The following SEMA3E variants were observed in gnomAD, a reference collection of about 807,000 sequenced individuals.
SEMA3E encodes the protein semaphorin-3E.
A neutral mutation model predicts 93.6 loss-of-function variants in SEMA3E; 49 were observed. The observed-to-expected ratio is 0.52, with a 90% confidence interval of 0.42 to 0.66. SEMA3E has a LOEUF of 0.66. Among genes scored for constraint, SEMA3E ranks in the 30% least tolerant of loss-of-function variants. The pLI is 0.00. For synonymous variants in SEMA3E, 363 were observed against 330.7 expected (o/e 1.10, Z -1.06); for missense variants, 906 against 964.8 (o/e 0.94, Z 0.81).
intron 10 of SEMA3E, among the ~76,000 whole-genome samples, chr7:83,402,095 C>T (rs1788243803): frequency 6.6e-6 from 1 of 151,844 alleles, no homozygotes; most frequent in African/African-American, 2.4e-5. Flanking sequence ...TCCTAAGGGG[C>T]CAGCAAGGAT....
At chr7:83,387,831 T>C (rs1407758255) in intron 14 of SEMA3E, among the ~76,000 whole-genome samples, 3 of 142,260 alleles carry the variant, frequency 2.1e-5, no homozygotes, top group East Asian at 4.1e-4. Flanking sequence ...TGTTTATATA[T>C]ATATAACGTT....
intron 1 of SEMA3E, among the ~76,000 whole-genome samples, chr7:83,511,798 G>A (rs1166347686): frequency 6.6e-6 from 1 of 152,132 alleles, no homozygotes; most frequent in East Asian, 1.9e-4. Context: ...GGGAGGCTGA[G>A]GCACGAGAAT....
intron 1 of SEMA3E, among the ~76,000 whole-genome samples, chr7:83,543,444 A>T (rs184965232): frequency 6.6e-6 from 1 of 152,190 alleles, no homozygotes; most frequent in East Asian, 1.9e-4. Flanking sequence ...GAGACTGCCT[A>T]TGTGTCCAGA....
At chr7:83,431,530 C>G (rs1195745167) in intron 4 of SEMA3E, among the ~76,000 whole-genome samples, 1 of 152,088 alleles carries the variant, frequency 6.6e-6, no homozygotes, top group African/African-American at 2.4e-5. Context: ...CTCAGCCTCT[C>G]GTCACTAGGA....
chr7:83,567,700 T>C (rs1192075412), intron 1 of SEMA3E, among the ~76,000 whole-genome samples: 1 of 152,008 alleles, frequency 6.6e-6, no homozygotes, highest in East Asian at 1.9e-4. Context: ...TTAAATATTA[T>C]TGAAGCAAAT....
At chr7:83,531,338 A>ATTTTTTT (rs1363628918) in intron 1 of SEMA3E, among the ~76,000 whole-genome samples, 5 of 40,102 alleles carry the variant, frequency 1.2e-4, no homozygotes, top group Non-Finnish European at 2.6e-4. Flanking sequence ...TGATTGGAAT[A>ATTTTTTT]TTCTTTTTTT....
intron 1 of SEMA3E, among the ~76,000 whole-genome samples, chr7:83,645,642 C>G (rs1444590662): frequency 6.6e-6 from 1 of 151,774 alleles, no homozygotes; most frequent in Non-Finnish European, 1.5e-5. Flanking sequence ...TTCAATATTA[C>G]CCCATTGGGG....
chr7:83,420,402 G>T (rs923194360), intron 4 of SEMA3E, among the ~76,000 whole-genome samples: 1 of 152,096 alleles, frequency 6.6e-6, no homozygotes, highest in Admixed American at 6.6e-5. Context: ...CAGATTCATT[G>T]CTATCCCTAT....
At chr7:83,519,241 G>A (rs541556015) in intron 1 of SEMA3E, among the ~76,000 whole-genome samples, 2 of 151,794 alleles carry the variant, frequency 1.3e-5, no homozygotes, top group South Asian at 4.2e-4. Context: ...TTGTTCTTGC[G>A]ATAGTTTACT....
At chr7:83,391,162 C>A (rs1339640564) in intron 14 of SEMA3E, among the ~76,000 whole-genome samples, 4 of 152,080 alleles carry the variant, frequency 2.6e-5, no homozygotes, top group Non-Finnish European at 5.9e-5. Context: ...ACAATTAATT[C>A]CCTTTGACTG....
intron 1 of SEMA3E, among the ~76,000 whole-genome samples, chr7:83,626,497 G>A (rs1793673266): frequency 6.6e-6 from 1 of 152,076 alleles, no homozygotes; most frequent in Admixed American, 6.6e-5. Context: ...TTTGCATAGA[G>A]GTGTTTATAG....
chr7:83,505,467 A>G (rs921976516), intron 1 of SEMA3E, among the ~76,000 whole-genome samples: 1 of 152,186 alleles, frequency 6.6e-6, no homozygotes, highest in Non-Finnish European at 1.5e-5. Context: ...ACCACTGAAT[A>G]TACCATTTAT....
chr7:83,564,382 T>G (rs542538277), intron 1 of SEMA3E, among the ~76,000 whole-genome samples: 13 of 151,836 alleles, frequency 8.6e-5, no homozygotes, highest in Non-Finnish European at 1.6e-4. Flanking sequence ...ATCATGTCAT[T>G]GCACTCCAGC....
chr7:83,627,628 C>CTTTTTTTTTTTTTTT lies in SEMA3E; in HGVS notation c.115+20785_115+20799dup, dbSNP rs746550123. On this transcript the variant is annotated intron_variant, in intron 1 of 16. Coordinates refer to ENST00000643230, the MANE Select transcript of SEMA3E (RefSeq NM_012431.3). Reference sequence around the variant, plus strand: ...TCAGAGATGAAGATCGCAACCCCTGCTTTTTTTTTTTTTTTTTTTTTTTTG... The same window carrying CTTTTTTTTTTTTTTT: ...TCAGAGATGAAGATCGCAACCCCTGCTTTTTTTTTTTTTTTTTTTTTTTTTTTTTTTTTTTTTTTG... Among the ~76,000 whole-genome samples, 81 of 65,348 alleles carry CTTTTTTTTTTTTTTT rather than the reference C, an allele frequency of 1.2e-3. 1 individual carries two copies. The highest frequency in any genetic ancestry group is 2.3e-3 in the African/African-American group (32 of 14,156). 42.9% of individuals were successfully genotyped at this position (65,348 alleles called of 152,430 possible). A position where few individuals can be genotyped will look rare whatever the true frequency, so the allele number is the denominator to read the frequency against.
chr7:83,447,698 A>C (rs934511130), intron 4 of SEMA3E, among the ~76,000 whole-genome samples: 3 of 152,246 alleles, frequency 2.0e-5, no homozygotes, highest in African/African-American at 7.2e-5. Flanking sequence ...TTGGAGGCAT[A>C]TCTCTCCAGT....
chr7:83,547,337 TTCA>T lies in SEMA3E; in HGVS notation c.116-57066_116-57064del, dbSNP rs202007886. ...CACAAGTCTAACAATCTGAGACTAGTTCATCGAGATGCTGTCAGTAGAATCATT... is the reference window on the plus strand; with the variant it reads ...CACAAGTCTAACAATCTGAGACTAGTTCGAGATGCTGTCAGTAGAATCATT... On this transcript the variant is annotated intron_variant, in intron 1 of 16. Transcript: ENST00000643230. Among the ~76,000 whole-genome samples, 8 of 152,108 alleles carry T rather than the reference TTCA, an allele frequency of 5.3e-5. No individual in the cohort carries two copies. The East Asian group carries it at 1.5e-3, about 29-fold the overall frequency.
intron 4 of SEMA3E, chr7:83,424,902 G>A (rs1408866914): frequency 7.2e-6 from 2 of 279,068 alleles, no homozygotes; most frequent in Non-Finnish European, 1.4e-5. Flanking sequence ...GCCTACTCAG[G>A]AGGTGCTGTC....
At chr7:83,634,255 G>C (rs1793838753) in intron 1 of SEMA3E, among the ~76,000 whole-genome samples, 1 of 152,162 alleles carries the variant, frequency 6.6e-6, no homozygotes, top group Non-Finnish European at 1.5e-5. Flanking sequence ...ACTATAGAAG[G>C]CATCTAACGT....
chr7:83,496,211 G>A (rs2115580163), intron 1 of SEMA3E, among the ~76,000 whole-genome samples: 1 of 152,044 alleles, frequency 6.6e-6, no homozygotes, highest in Middle Eastern at 3.4e-3. Context: ...AACGACAGAA[G>A]TTGACTGGAG....
Sources: gnomAD v4.1 joint callset for allele counts (sites outside exome capture counted in the v4.1 genomes callset) on GRCh38, gnomAD v4.1.1 for gene constraint, MANE v1.5 for transcripts, NCBI Gene and HGNC (gene_info 2026-07-23, HGNC 2026-07-21) for gene names.